Variants in AGMO observed in about 807,000 individuals in gnomAD.
The protein encoded by AGMO is alkylglycerol monooxygenase, also known as glyceryl-ether monooxygenase.
In AGMO, 75 loss-of-function variants were observed where a neutral mutation model predicts 60.2. That is an observed-to-expected ratio of 1.25 (90% CI 1.03 to 1.51). The LOEUF (loss-of-function observed/expected upper bound fraction) is 1.51. Among genes scored for constraint, AGMO ranks in the 40% most tolerant of loss-of-function variants. The pLI is 0.00. For synonymous variants in AGMO, 261 were observed against 177.1 expected (o/e 1.47, Z -3.76); for missense variants, 763 against 525.5 (o/e 1.45, Z -4.42).
At chr7:15,475,533 G>A (rs1461836621) in intron 3 of AGMO, among the ~76,000 whole-genome samples, 3 of 151,996 alleles carry the variant, frequency 2.0e-5, no homozygotes, top group Admixed American at 6.6e-5. Context: ...ACACACTGGG[G>A]CCTGTCGGAT....
chr7:15,367,476 A>C (rs1342068433), intron 10 of AGMO, among the ~76,000 whole-genome samples: 1 of 152,022 alleles, frequency 6.6e-6, no homozygotes, highest in Non-Finnish European at 1.5e-5. Flanking sequence ...AAACGCAAAC[A>C]ATCTGGGAAA....
chr7:15,283,089 T>C (rs191573747), intron 12 of AGMO, among the ~76,000 whole-genome samples: 98 of 152,192 alleles, frequency 6.4e-4, no homozygotes, highest in African/African-American at 2.0e-3. Flanking sequence ...CTAAAAGTAG[T>C]TCTAAATGTT....
intron 10 of AGMO, among the ~76,000 whole-genome samples, chr7:15,371,576 T>C (rs1360718939): frequency 6.6e-6 from 1 of 152,152 alleles, no homozygotes; most frequent in African/African-American, 2.4e-5. Flanking sequence ...TTTGTATTTT[T>C]AGTAGAGATG....
intron 12 of AGMO, among the ~76,000 whole-genome samples, chr7:15,282,949 T>C (rs1784009400): frequency 1.3e-5 from 2 of 152,050 alleles, no homozygotes; most frequent in Non-Finnish European, 2.9e-5. Flanking sequence ...CTTCCTTAAA[T>C]AGAATAACTG....
At chr7:15,184,592 G>T in the AGMO span, among the ~76,000 whole-genome samples, 1 of 129,848 alleles carries the variant, frequency 7.7e-6, no homozygotes, top group Non-Finnish European at 1.6e-5. Context: ...AAGGTAGTAA[G>T]GAAGGGAAGG....
intron 3 of AGMO, among the ~76,000 whole-genome samples, chr7:15,539,768 TC>T (rs1363394221): frequency 6.6e-6 from 1 of 152,184 alleles, no homozygotes; most frequent in Non-Finnish European, 1.5e-5. Context: ...GTATAAGCAT[TC>T]CTTTTTTTTC....
the AGMO span, among the ~76,000 whole-genome samples, chr7:15,180,826 A>C: frequency 1.3e-5 from 2 of 152,190 alleles, no homozygotes; most frequent in Non-Finnish European, 2.9e-5. Flanking sequence ...GTAATTTATA[A>C]AGAAAAGTTT....
chr7:15,323,659 G>C (rs62450328), intron 12 of AGMO, among the ~76,000 whole-genome samples: 1 of 152,092 alleles, frequency 6.6e-6, no homozygotes, highest in Admixed American at 6.6e-5. Context: ...GCTGTCTCCC[G>C]AGCTTGCAGT....
the AGMO span, among the ~76,000 whole-genome samples, chr7:15,144,869 G>A: frequency 2.8e-4 from 43 of 152,272 alleles, no homozygotes; most frequent in Non-Finnish European, 5.1e-4. Flanking sequence ...TCGCTCTGCC[G>A]CCCAGGCTGG....
chr7:15,439,652 G>A (rs1007182173), intron 3 of AGMO, among the ~76,000 whole-genome samples: 1 of 152,088 alleles, frequency 6.6e-6, no homozygotes, highest in South Asian at 2.1e-4. Flanking sequence ...CTTGTTCTTT[G>A]AGCATCACTG....
At chr7:15,140,557 G>A in the AGMO span, among the ~76,000 whole-genome samples, 5 of 151,594 alleles carry the variant, frequency 3.3e-5, no homozygotes, top group Non-Finnish European at 5.9e-5. Context: ...TCTTAATCTC[G>A]CCTTTACTTT....
At chr7:15,346,311 G>T (rs1563099960) in intron 12 of AGMO, among the ~76,000 whole-genome samples, 1 of 152,056 alleles carries the variant, frequency 6.6e-6, no homozygotes, top group Admixed American at 6.6e-5. Flanking sequence ...ATTCCATTGG[G>T]AAAGAGGTAA....
chr7:15,294,823 G>A (rs1450031420), intron 12 of AGMO, among the ~76,000 whole-genome samples: 3 of 151,832 alleles, frequency 2.0e-5, no homozygotes, highest in African/African-American at 4.8e-5. Flanking sequence ...GGCTGCATAT[G>A]ATAATTTAAT....
chr7:15,128,440 T>G, the AGMO span, among the ~76,000 whole-genome samples: 1 of 152,292 alleles, frequency 6.6e-6, no homozygotes, highest in South Asian at 2.1e-4. Context: ...CACTTATCAG[T>G]GCCTATAAAA....
chr7:15,144,955 G>T, the AGMO span, among the ~76,000 whole-genome samples: 3 of 152,056 alleles, frequency 2.0e-5, no homozygotes, highest in Non-Finnish European at 4.4e-5. Flanking sequence ...TCAGCCTCCC[G>T]AGTAGCTGGG....
At chr7:15,388,668 A>AAAAC (rs770006948) in intron 8 of AGMO, among the ~76,000 whole-genome samples, 6 of 152,204 alleles carry the variant, frequency 3.9e-5, no homozygotes, top group African/African-American at 7.2e-5. Context: ...AATAATAAGG[A>AAAAC]AAACAAACAA....
the AGMO span, among the ~76,000 whole-genome samples, chr7:15,120,879 C>T: frequency 7.2e-5 from 11 of 151,816 alleles, no homozygotes; most frequent in African/African-American, 1.2e-4. Context: ...CAAGTATACA[C>T]GTGCCACAGT....
intron 12 of AGMO, among the ~76,000 whole-genome samples, chr7:15,268,054 AT>A (rs1469543646): frequency 5.9e-5 from 9 of 152,070 alleles, no homozygotes; most frequent in Admixed American, 5.9e-4. Flanking sequence ...ATAAAGAAAT[AT>A]TTTATCTGTT....
chr7:15,319,064 C>A lies in AGMO; in HGVS notation c.1263+46450G>T, dbSNP rs150217436. ...TCATCGGTTTCTTTTTTCCTCCTCC[C>A]GTTTCTCTACTGGCCTCATTTTGTT... On this transcript the variant is annotated intron_variant, in intron 12 of 12. Coordinates refer to ENST00000342526, the MANE Select transcript of AGMO (RefSeq NM_001004320.2). 1.6e-4 allele frequency among the ~76,000 whole-genome samples: 24 copies of A among 152,152 alleles called. No individual in the cohort carries two copies. In the East Asian group the frequency reaches 4.4e-3, roughly 28 times the overall value.
Sources: allele counts gnomAD v4.1 joint callset (sites outside exome capture counted in the v4.1 genomes callset), GRCh38; gene constraint gnomAD v4.1.1; transcripts MANE v1.5; gene names NCBI Gene and HGNC (gene_info 2026-07-23, HGNC 2026-07-21).